The following AKAP6 variants were observed in gnomAD, a reference collection of about 807,000 sequenced individuals.
The protein encoded by AKAP6 is A-kinase anchor protein 6.
Under a neutral mutation model 188.5 loss-of-function variants are expected in AKAP6, and 58 were observed. The ratio of observed to expected loss-of-function variants is 0.31; its 90% CI spans 0.25 to 0.38. AKAP6 has a LOEUF of 0.38. Ranked by LOEUF, AKAP6 falls within the 10% of genes least tolerant of loss-of-function variation. AKAP6 has a pLI of 1.00. For synonymous variants in AKAP6, 989 were observed against 998.6 expected (o/e 0.99, Z 0.18); for missense variants, 2,710 against 2,740.0 (o/e 0.99, Z 0.24).
chr14:32,794,151 C>A (rs2033693648), intron 12 of AKAP6, among the ~76,000 whole-genome samples: 1 of 152,182 alleles, frequency 6.6e-6, no homozygotes, highest in South Asian at 2.1e-4. Flanking sequence ...AACAAACAGT[C>A]TATCAGACCC....
In AKAP6 at chr14:32,821,960, C is replaced by T. The variant is rs761046230; in HGVS notation, c.4147C>T (p.Leu1383Phe). The T allele has an allele frequency of 1.5e-5, 24 of 1,613,866 alleles. No individual in the cohort carries two copies. Among genetic ancestry groups the T allele is most frequent in the Non-Finnish European group, 1.9e-5 (23 of 1,179,956 alleles). Residue 1383 changes from leucine to phenylalanine, a missense_variant, in exon 13 of 14, where the codon CTC becomes TTC. Transcript: ENST00000280979. ...ETTTNSEMCLLNAVDGSPSNL... is the reference protein window; with the variant it reads ...ETTTNSEMCLFNAVDGSPSNL... ...CACTACCAACTCTGAAATGTGCTTG[C>T]TCAATGCAGTGGATGGGTCCCCAAG...
At chr14:32,651,401 T>C (rs1402640618) in intron 7 of AKAP6, among the ~76,000 whole-genome samples, 1 of 152,198 alleles carries the variant, frequency 6.6e-6, no homozygotes, top group African/African-American at 2.4e-5. Context: ...GTCTAGGCTA[T>C]GCTATGTAGG....
At chr14:32,777,187 A>G (rs1034399248) in intron 12 of AKAP6, among the ~76,000 whole-genome samples, 5 of 152,252 alleles carry the variant, frequency 3.3e-5, no homozygotes, top group African/African-American at 1.2e-4. Context: ...AACTGTTTCA[A>G]AGTAATTTAA....
At chr14:32,703,343 T>G (rs1036121159) in intron 9 of AKAP6, among the ~76,000 whole-genome samples, 1 of 152,084 alleles carries the variant, frequency 6.6e-6, no homozygotes, top group African/African-American at 2.4e-5. Context: ...CTTACTTAGA[T>G]GATATGAATA....
chr14:32,758,493 G>A (rs2032422416), intron 11 of AKAP6, among the ~76,000 whole-genome samples: 1 of 152,234 alleles, frequency 6.6e-6, no homozygotes, highest in African/African-American at 2.4e-5. Flanking sequence ...CAGCACTTTG[G>A]GAGGCCGAGG....
At chr14:32,515,322 T>A (rs529710756) in intron 2 of AKAP6, among the ~76,000 whole-genome samples, 1 of 152,252 alleles carries the variant, frequency 6.6e-6, no homozygotes, top group East Asian at 1.9e-4. Context: ...ACATGGGGAT[T>A]ATTACAATTC....
At position 32,600,745 on chromosome 14, in the gene AKAP6, G is replaced by A; in HGVS notation, c.2683G>A (p.Ala895Thr). 6.2e-7 allele frequency: 1 copy of A among 1,613,266 alleles called. No homozygotes were observed. Among genetic ancestry groups the A allele is most frequent in the Non-Finnish European group, 8.5e-7 (1 of 1,179,658 alleles). The change falls in exon 7 of 14, where the codon GCT (alanine) becomes ACT (threonine). Residue 895 changes from alanine (A) to threonine (T), a missense_variant. Ala to Thr is a moderately conservative substitution (Grantham distance 58). Around this residue, in one of 2 missense-constraint regions of AKAP6, gnomAD observed 2,473 missense variants for 2,426.1 expected, o/e 1.02. Transcript: ENST00000280979. ...GGATACCATCAAAGCCGAGATACTG[G>A]CTACTGATGTGTCTGTGGAGGATGA... ...ALDTIKAEIL[A>T]TDVSVEDEEG...
At chr14:32,422,078 C>T (rs978509290) in intron 1 of AKAP6, among the ~76,000 whole-genome samples, 1 of 152,198 alleles carries the variant, frequency 6.6e-6, no homozygotes, top group African/African-American at 2.4e-5. Flanking sequence ...CCCAGCAACA[C>T]AGAGTAAGGA....
At chr14:32,791,872 T>C (rs2033619978) in intron 12 of AKAP6, among the ~76,000 whole-genome samples, 1 of 152,192 alleles carries the variant, frequency 6.6e-6, no homozygotes, top group East Asian at 1.9e-4. Context: ...ATTTATTATA[T>C]AGGGAATCCT....
chr14:32,663,053 T>C (rs1243659559), intron 7 of AKAP6, among the ~76,000 whole-genome samples: 1 of 152,172 alleles, frequency 6.6e-6, no homozygotes, highest in Non-Finnish European at 1.5e-5. Flanking sequence ...CTTTTCAGTA[T>C]AATTATAGGC....
chr14:32,641,029 A>C (rs2139490218), intron 7 of AKAP6, among the ~76,000 whole-genome samples: 1 of 152,288 alleles, frequency 6.6e-6, no homozygotes, highest in Non-Finnish European at 1.5e-5. Flanking sequence ...ATTTCTTTCA[A>C]GGCACATCAT....
chr14:32,527,346 C>T (rs915378214), intron 2 of AKAP6, among the ~76,000 whole-genome samples: 2 of 150,258 alleles, frequency 1.3e-5, no homozygotes, highest in Non-Finnish European at 3.0e-5. Flanking sequence ...TACTGAACTC[C>T]TTGGTTGCTT....
chr14:32,398,246 G>T (rs943696060), intron 1 of AKAP6, among the ~76,000 whole-genome samples: 1 of 152,208 alleles, frequency 6.6e-6, no homozygotes, highest in Admixed American at 6.5e-5. Context: ...ATGCAGTGAG[G>T]CTCTGCCTCT....
chr14:32,783,044 T>G (rs2033300205), intron 12 of AKAP6, among the ~76,000 whole-genome samples: 1 of 152,172 alleles, frequency 6.6e-6, no homozygotes, highest in African/African-American at 2.4e-5. Context: ...AGTATGGCAT[T>G]GCTGTCAAGG....
intron 11 of AKAP6, among the ~76,000 whole-genome samples, chr14:32,755,209 G>A (rs1423250336): frequency 6.6e-6 from 1 of 151,240 alleles, no homozygotes; most frequent in Admixed American, 6.6e-5. Context: ...TTTTCTTTTT[G>A]TTCTACTTAC....
chr14:32,586,113 A>G (rs529272672), intron 5 of AKAP6, among the ~76,000 whole-genome samples: 1 of 152,326 alleles, frequency 6.6e-6, no homozygotes, highest in Non-Finnish European at 1.5e-5. Flanking sequence ...AACTCTGTGC[A>G]TGAAAGAAAA....
chr14:32,726,626 A>G (rs979866296), intron 9 of AKAP6, among the ~76,000 whole-genome samples: 1 of 152,246 alleles, frequency 6.6e-6, no homozygotes, highest in African/African-American at 2.4e-5. Context: ...CACGCAGTGC[A>G]TTTCAGTCTT....
intron 7 of AKAP6, among the ~76,000 whole-genome samples, chr14:32,653,153 G>T (rs1888303813): frequency 6.6e-6 from 1 of 152,166 alleles, no homozygotes; most frequent in Non-Finnish European, 1.5e-5. Flanking sequence ...CACTCAATTA[G>T]TTGGCATATA....
In AKAP6 at chr14:32,821,569, A is replaced by G. The variant is rs754430461; in HGVS notation, c.3756A>G (p.Gly1252=). The G allele has an allele frequency of 6.8e-6, 11 of 1,613,642 alleles. No individual in the cohort carries two copies. The African/African-American group carries it at 1.5e-4, about 22-fold the overall frequency. ...LQPVIPSLKL[G]ETSNEDPGYD... ...CTGTTATCCCTTCCTTGAAGCTTGG[A>G]GAGACAAGTAATGAGGACCCTGGTT... The change falls in exon 13 of 14, where the codon GGA becomes GGG. Residue 1252 remains glycine (G), a synonymous_variant. Coordinates refer to ENST00000280979, the MANE Select transcript of AKAP6 (RefSeq NM_004274.5).
Sources: gnomAD v4.1 joint callset for allele counts (sites outside exome capture counted in the v4.1 genomes callset) on GRCh38, gnomAD v4.1.1 for gene constraint, gnomAD v4.1.1 regional missense constraint, MANE v1.5 for transcripts, NCBI Gene and HGNC (gene_info 2026-07-23, HGNC 2026-07-21) for gene names.